The following C3orf20 variants were observed in gnomAD, a reference collection of about 807,000 sequenced individuals.
C3orf20 encodes the protein family with sequence similarity 149 member C.
C3orf20 carries 76 observed loss-of-function variants against 88.3 expected under a neutral mutation model. That is an observed-to-expected ratio of 0.86 (90% CI 0.72 to 1.04). The LOEUF (loss-of-function observed/expected upper bound fraction) is 1.04, where lower values mean the gene tolerates loss of function less well. Ranked by LOEUF, C3orf20 falls within the 50% of genes least tolerant of loss-of-function variation. C3orf20 has a pLI of 0.00. For missense variants in C3orf20, 1,056 were observed against 1,123.3 expected (o/e 0.94, Z 0.86); for synonymous variants, 436 against 437.4 (o/e 1.00, Z 0.04).
intron 5 of C3orf20, among the ~76,000 whole-genome samples, chr3:14,696,988 G>A (rs1382235423): frequency 6.6e-6 from 1 of 152,040 alleles, no homozygotes; most frequent in South Asian, 2.1e-4. Context: ...CTTTAAATAT[G>A]TCATGCCACT....
chr3:14,719,624 T>G (rs964979509), intron 9 of C3orf20, among the ~76,000 whole-genome samples: 1 of 152,166 alleles, frequency 6.6e-6, no homozygotes, highest in African/African-American at 2.4e-5. Flanking sequence ...TATAATGGGC[T>G]GGCTAATGAA....
intron 9 of C3orf20, among the ~76,000 whole-genome samples, chr3:14,719,995 T>G (rs1027660287): frequency 4.1e-5 from 6 of 148,016 alleles, no homozygotes; most frequent in East Asian, 4.2e-4. Context: ...GAGAGGAGGG[T>G]TTTTTTTGTT....
In C3orf20 at chr3:14,768,750, G is replaced by A. The variant is rs575482711; in HGVS notation, c.2496-3317G>A. Among the ~76,000 whole-genome samples the A allele has an allele frequency of 6.6e-4, 101 of 152,146 alleles. No homozygotes were observed. Among genetic ancestry groups the A allele is most frequent in the Non-Finnish European group, 1.2e-3 (83 of 68,026 alleles). On this transcript the variant is annotated intron_variant, in intron 15 of 16. Transcript: ENST00000253697. This position sits in a 1 kb window ranked among gnomAD's most constrained non-coding sequence, Gnocchi z 4.1. Reference sequence around the variant, plus strand: ...TGGGCTAGCCGCAATACCATGGGGAGGTGGGCTCCACACCCGACAAGGGCC... The same window carrying A: ...TGGGCTAGCCGCAATACCATGGGGAAGTGGGCTCCACACCCGACAAGGGCC...
chr3:14,702,977 G>A (rs573442782), intron 5 of C3orf20, among the ~76,000 whole-genome samples, 153 bp from the exon 6 acceptor site: 1 of 152,304 alleles, frequency 6.6e-6, no homozygotes, highest in East Asian at 1.9e-4. Context: ...AGGGGTTACA[G>A]GGCCCATGCA....
chr3:14,764,510 G>A (rs28454561), intron 15 of C3orf20, among the ~76,000 whole-genome samples: 1,743 of 80,566 alleles, frequency 0.022, 35 homozygotes, highest in African/African-American at 0.055. Flanking sequence ...TATTATTATT[G>A]TTGTTGTTGT....
intron 12 of C3orf20, among the ~76,000 whole-genome samples, chr3:14,756,173 G>A (rs969984345): frequency 2.0e-5 from 3 of 150,102 alleles, no homozygotes; most frequent in African/African-American, 4.9e-5. Flanking sequence ...ACTGCCTTTC[G>A]TCATGTTTAG....
chr3:14,720,472 G>A (rs755049834), intron 9 of C3orf20, among the ~76,000 whole-genome samples: 8 of 152,196 alleles, frequency 5.3e-5, no homozygotes, highest in Admixed American at 1.3e-4. Context: ...GAAGTTAAGC[G>A]TAGACCCCTG....
In C3orf20 at chr3:14,772,119, G is replaced by A. The variant is rs766458955; in HGVS notation, c.2548G>A (p.Glu850Lys). The change falls in exon 16 of 17, where the codon GAG (glutamate) becomes AAG (lysine). Residue 850 changes from glutamate (E) to lysine (K), a missense_variant. Transcript: ENST00000253697. This position sits in a 1 kb window ranked among gnomAD's most constrained non-coding sequence, Gnocchi z 4.2. ...LEDSESVKKA[E>K]SEDIQGSSSS... ...GGATTCTGAATCAGTCAAGAAAGCC[G>A]AGTCAGAAGATATCCAAGGAAGCAG... 4.3e-6 allele frequency: 7 copies of A among 1,614,240 alleles called. No individual in the cohort carries two copies. The highest frequency in any genetic ancestry group is 4.5e-5 in the East Asian group (2 of 44,886).
Position 14,680,518 on chromosome 3 carries a change from C to A in C3orf20, c.-298-1652C>A, listed in dbSNP as rs1308557078. Among the ~76,000 whole-genome samples, 3 of 151,918 alleles carry A rather than the reference C, an allele frequency of 2.0e-5. No individual in the cohort carries two copies. The East Asian group carries it at 5.8e-4, about 29-fold the overall frequency. On this transcript the variant is annotated intron_variant, in intron 1 of 16. Transcript: ENST00000253697. ...GAGGGTGAGGGGAAACAGGGAGTGACTGATGATGGGTTTTGTGTGGGGGCA... is the reference window on the plus strand; with the variant it reads ...GAGGGTGAGGGGAAACAGGGAGTGAATGATGATGGGTTTTGTGTGGGGGCA...
At chr3:14,721,119 ACATATTTGT>A (rs1455550121) in intron 9 of C3orf20, among the ~76,000 whole-genome samples, 1 of 152,174 alleles carries the variant, frequency 6.6e-6, no homozygotes, top group Non-Finnish European at 1.5e-5. Flanking sequence ...AAGAATAATG[ACATATTTGT>A]GGAAGGGGCT....
chr3:14,684,100 A>G lies in C3orf20; in HGVS notation c.485-142A>G, dbSNP rs2032264279. 2.7e-6 allele frequency: 3 copies of G among 1,124,522 alleles called. No individual in the cohort carries two copies. In the East Asian group the frequency reaches 7.3e-5, roughly 27 times the overall value. 69.7% of individuals were successfully genotyped at this position (1,124,522 alleles called of 1,614,324 possible). A position where few individuals can be genotyped will look rare whatever the true frequency, so the allele number is the denominator to read the frequency against. On this transcript the variant is annotated intron_variant, in intron 3 of 16. Coordinates refer to ENST00000253697, the MANE Select transcript of C3orf20 (RefSeq NM_032137.5). ...GGTCCTCAGAGCTTGAGAGCCTTTC[A>G]CAGTAGCCCCCTCACCCCTGCATAC...
At chr3:14,770,219 T>C (rs539714167) in intron 15 of C3orf20, among the ~76,000 whole-genome samples, 2 of 152,314 alleles carry the variant, frequency 1.3e-5, no homozygotes, top group Admixed American at 6.5e-5. Context: ...GAGAGGCGTT[T>C]AAAGGGTCAG....
chr3:14,721,580 C>T lies in C3orf20; in HGVS notation c.1435-73C>T, dbSNP rs144410257. The T allele has an allele frequency of 2.9e-3, 4,559 of 1,572,122 alleles. 190 individuals carry two copies. In the Admixed American group the frequency reaches 0.073, roughly 25 times the overall value. On this transcript the variant is annotated intron_variant, in intron 9 of 16. Coordinates refer to ENST00000253697, the MANE Select transcript of C3orf20 (RefSeq NM_032137.5). ...CCAAGCCAACAGGGGCTTTGTGCTT[C>T]GTGGTGGGTCAGGAAGGGGTGGCTG...
At chr3:14,696,701 C>T (rs1159854393) in intron 5 of C3orf20, among the ~76,000 whole-genome samples, 1 of 151,616 alleles carries the variant, frequency 6.6e-6, no homozygotes, top group African/African-American at 2.4e-5. Context: ...TTTATGAGTT[C>T]GTCTTTTAGT....
intron 10 of C3orf20, chr3:14,722,488 CAGG>C: frequency 2.2e-6 from 1 of 456,600 alleles, no homozygotes; most frequent in Non-Finnish European, 4.4e-6. Flanking sequence ...GTGCTGTTAC[CAGG>C]AGAAGAAATG....
intron 1 of C3orf20, among the ~76,000 whole-genome samples, chr3:14,680,041 A>C (rs1025275714): frequency 4.6e-5 from 7 of 152,252 alleles, no homozygotes; most frequent in African/African-American, 1.7e-4. Context: ...GAGAGAAATT[A>C]GAATTCTCAA....
At chr3:14,722,384 A>C (rs2034194517) in intron 10 of C3orf20, 1 of 436,496 alleles carries the variant, frequency 2.3e-6, no homozygotes, top group East Asian at 7.0e-5. Flanking sequence ...CTTGAGGCTC[A>C]TGTCCATCCT....
At chr3:14,764,516 G>A (rs1441418356) in intron 15 of C3orf20, among the ~76,000 whole-genome samples, 24 of 140,294 alleles carry the variant, frequency 1.7e-4, no homozygotes, top group Admixed American at 1.3e-3. Flanking sequence ...TATTGTTGTT[G>A]TTGTTGTTGT....
intron 4 of C3orf20, among the ~76,000 whole-genome samples, chr3:14,686,295 A>G (rs959689334): frequency 1.3e-5 from 2 of 152,190 alleles, no homozygotes; most frequent in African/African-American, 2.4e-5. Flanking sequence ...TGCAATGAGC[A>G]TAGGAGCGTA....
Sources: gnomAD v4.1 joint callset for allele counts (sites outside exome capture counted in the v4.1 genomes callset) on GRCh38, gnomAD v4.1.1 for gene constraint, Gnocchi (gnomAD v3.1) non-coding constraint, MANE v1.5 for transcripts, NCBI Gene and HGNC (gene_info 2026-07-23, HGNC 2026-07-21) for gene names.